Variants in TCFL5 observed in about 807,000 individuals in gnomAD.
The protein encoded by TCFL5 is transcription factor like 5.
Under a neutral mutation model 44.3 loss-of-function variants are expected in TCFL5, and 9 were observed. The observed-to-expected ratio is 0.20, with a 90% confidence interval of 0.12 to 0.35. The LOEUF (loss-of-function observed/expected upper bound fraction) is 0.35. TCFL5 is among the 10% of genes least tolerant of loss of function. TCFL5 has a pLI of 1.00. For missense variants in TCFL5, 603 were observed against 613.4 expected (o/e 0.98, Z 0.18); for synonymous variants, 319 against 271.6 (o/e 1.17, Z -1.72).
At chr20:62,845,348 C>A in intron 5 of TCFL5, 1 of 1,103,542 alleles carries the variant, frequency 9.1e-7, no homozygotes, top group Non-Finnish European at 1.1e-6. Flanking sequence ...GTCTCGAACT[C>A]CTGACCTCAG....
intron 4 of TCFL5, among the ~76,000 whole-genome samples, chr20:62,855,352 G>A (rs917525012): frequency 6.6e-6 from 1 of 152,092 alleles, no homozygotes; most frequent in Non-Finnish European, 1.5e-5. Context: ...CTTTAGAGAC[G>A]GGGACTTGCT....
At chr20:62,848,697 C>A (rs1251709926) in intron 5 of TCFL5, among the ~76,000 whole-genome samples, 1 of 152,084 alleles carries the variant, frequency 6.6e-6, no homozygotes, top group Non-Finnish European at 1.5e-5. Flanking sequence ...GGGATCACGC[C>A]ATTGCACTCC....
intron 2 of TCFL5, 123 bp downstream of exon 2, chr20:62,860,002 C>T (rs2063966290): frequency 1.0e-6 from 1 of 1,003,680 alleles, no homozygotes; most frequent in Non-Finnish European, 1.5e-6. Context: ...GGCCTTGGCG[C>T]CCGGCTTAAA....
intron 5 of TCFL5, among the ~76,000 whole-genome samples, chr20:62,843,476 A>G (rs1342668810): frequency 6.6e-6 from 1 of 151,336 alleles, no homozygotes; most frequent in Admixed American, 6.6e-5. Flanking sequence ...TGATGCCTGA[A>G]ACTGAGTTAG....
chr20:62,852,006 A>C, intron 5 of TCFL5: 2 of 912,064 alleles, frequency 2.2e-6, no homozygotes, highest in Non-Finnish European at 2.6e-6. Flanking sequence ...GGGTCTCATC[A>C]TGTTGGCCAA....
At position 62,857,190 on chromosome 20, in the gene TCFL5, C is replaced by T. The variant is rs561677059; in HGVS notation, c.1238+205G>A. Among the ~76,000 whole-genome samples the T allele has an allele frequency of 4.6e-5, 7 of 152,274 alleles. No homozygotes were observed. In the South Asian group the frequency reaches 6.2e-4, roughly 14 times the overall value. ...GTCACAGCCTGAGAGTGACTGCATG[C>T]GGAGTCCCGGGAGTCCTCCTAGTGA... On this transcript the variant is annotated intron_variant, in intron 4 of 5. Transcript: ENST00000335351.
At chr20:62,851,747 AC>A in intron 5 of TCFL5, 1 of 985,438 alleles carries the variant, frequency 1.0e-6, no homozygotes, top group Non-Finnish European at 1.2e-6. Context: ...CGCTGAAGAG[AC>A]GAGCCCTCAC....
intron 5 of TCFL5, among the ~76,000 whole-genome samples, chr20:62,850,156 TGAA>T (rs1332026199): frequency 1.3e-5 from 2 of 152,132 alleles, no homozygotes; most frequent in Non-Finnish European, 2.9e-5. Flanking sequence ...TATTTAGAGA[TGAA>T]GGTTCGTGTC....
Position 62,861,525 on chromosome 20 carries a change from A to G in TCFL5, c.146T>C (p.Met49Thr). Residue 49 changes from methionine to threonine, a missense_variant, in exon 1 of 6, where the codon ATG (methionine) becomes ACG (threonine). Physicochemically the swap from Met to Thr is moderately conservative, Grantham distance 81. Transcript: ENST00000335351. This position sits in a 1 kb window ranked among gnomAD's most constrained non-coding sequence, Gnocchi z 4.0. The stretch of plus-strand genomic sequence containing the variant: ...CAGCTGCGTGTACTCCACCTCCGTC[A>G]TCTCCACCAGGCTCAGGTCGGTGGT... ...FTTTDLSLVE[M>T]TEVEYTQLQH... 1 of 1,173,814 alleles carries G rather than the reference A, an allele frequency of 8.5e-7. No individual in the cohort carries two copies. Among genetic ancestry groups the G allele is most frequent in the East Asian group, 4.4e-5 (1 of 22,746 alleles). The allele number at this position is 1,173,814 out of a possible 1,614,324, so 72.7% of individuals were successfully genotyped here. A position where few individuals can be genotyped will look rare whatever the true frequency, so the allele number is the denominator to read the frequency against.
intron 5 of TCFL5, chr20:62,846,205 T>C (rs2147249244): frequency 1.1e-6 from 1 of 922,962 alleles, no homozygotes; most frequent in Middle Eastern, 4.5e-4. Flanking sequence ...ATAATCATCC[T>C]CAGACATAAC....
At position 62,841,981 on chromosome 20, in the gene TCFL5, G is replaced by A; in HGVS notation, c.1497C>T (p.Ile499=). 6.2e-7 allele frequency: 1 copy of A among 1,614,142 alleles called. No individual in the cohort carries two copies. The highest frequency in any genetic ancestry group is 2.2e-5 in the East Asian group (1 of 44,886). Reference sequence around the variant, plus strand: ...GGATTCCTGTTCAGTCCGATCACTTGATCTCCATCGAGGGGCTGCTCTGTA... The same window carrying A: ...GGATTCCTGTTCAGTCCGATCACTTAATCTCCATCGAGGGGCTGCTCTGTA... ...GSLQSSPSME[I]K Residue 499 remains isoleucine (I), a synonymous_variant, in exon 6 of 6, where the codon ATC becomes ATT. Transcript: ENST00000335351.
At chr20:62,857,971 T>C (rs1329146418) in intron 3 of TCFL5, among the ~76,000 whole-genome samples, 1 of 151,922 alleles carries the variant, frequency 6.6e-6, no homozygotes, top group African/African-American at 2.4e-5. Flanking sequence ...AGTTGTTTAC[T>C]TTTTCTAAAG....
intron 1 of TCFL5, among the ~76,000 whole-genome samples, chr20:62,860,801 G>A (rs563573916): frequency 6.6e-6 from 1 of 152,216 alleles, no homozygotes; most frequent in African/African-American, 2.4e-5. Context: ...GGGCCACTGA[G>A]GGAGGGGGTG....
In TCFL5 at chr20:62,861,107, C is replaced by G; in HGVS notation, c.564G>C (p.Glu188Asp). The G allele has an allele frequency of 1.0e-6, 1 of 998,468 alleles. No individual in the cohort carries two copies. The highest frequency in any genetic ancestry group is 1.2e-6 in the Non-Finnish European group (1 of 840,542). The allele number at this position is 998,468 out of a possible 1,614,324, so 61.9% of individuals were successfully genotyped here. ...RAKPAVRVRL[E>D]DRFNSIPAEP... ...CGGCGGGGATGCTGTTGAAGCGGTC[C>G]TCCAGGCGGACGCGCACGGCCGGCT... Residue 188 changes from glutamate (E) to aspartate (D), a missense_variant, in exon 1 of 6, where the codon GAG (glutamate) becomes GAC (aspartate). Glu to Asp is a conservative substitution (Grantham distance 45). Around this residue, in one of 4 missense-constraint regions of TCFL5, gnomAD observed 540 missense variants for 478.7 expected, o/e 1.13. Transcript: ENST00000335351. The surrounding 1 kb of genome is among the most constrained non-coding windows in gnomAD (Gnocchi z 4.0).
In TCFL5 at chr20:62,842,738, G is replaced by C. The variant is rs1277913490; in HGVS notation, c.1381-641C>G. 1.3e-5 allele frequency among the ~76,000 whole-genome samples: 2 copies of C among 152,188 alleles called. No homozygotes were observed. Among genetic ancestry groups the C allele is most frequent in the African/African-American group, 4.8e-5 (2 of 41,446 alleles). On this transcript the variant is annotated intron_variant, in intron 5 of 5. Transcript: ENST00000335351. The surrounding 1 kb of genome is among the most constrained non-coding windows in gnomAD (Gnocchi z 4.3). ...AGATCATGCCATTGCACTCCAGTCT[G>C]GGCAACAAGAGTGAAACTCCGTCTC...
At chr20:62,845,153 C>T in intron 5 of TCFL5, 5 of 983,748 alleles carry the variant, frequency 5.1e-6, no homozygotes, top group Non-Finnish European at 6.0e-6. Context: ...TGGAGTTTCA[C>T]TCTTGTCGCC....
chr20:62,857,387 C>A lies in TCFL5; in HGVS notation c.1238+8G>T. On this transcript the variant is annotated splice_region_variant and intron_variant, in intron 4 of 5. Transcript: ENST00000335351. ...TGAGTCAGCCTGACAAGCAGTCACA[C>A]GTATTACCTTCTATCTCTTTCCATT... The A allele has an allele frequency of 6.2e-7, 1 of 1,613,704 alleles. No individual in the cohort carries two copies. Among genetic ancestry groups the A allele is most frequent in the Non-Finnish European group, 8.5e-7 (1 of 1,179,738 alleles).
Position 62,861,053 on chromosome 20 carries a change from C to T in TCFL5, c.618G>A (p.Glu206=). The T allele has an allele frequency of 1.0e-6, 1 of 995,410 alleles. No individual in the cohort carries two copies. Among genetic ancestry groups the T allele is most frequent in the Non-Finnish European group, 1.2e-6 (1 of 838,078 alleles). The allele number at this position is 995,410 out of a possible 1,614,324, so 61.7% of individuals were successfully genotyped here. The change falls in exon 1 of 6, where the codon GAG becomes GAA. Residue 206 remains glutamate, a synonymous_variant. Coordinates refer to ENST00000335351, the MANE Select transcript of TCFL5 (RefSeq NM_006602.4). The surrounding 1 kb of genome is among the most constrained non-coding windows in gnomAD (Gnocchi z 4.0). ...AEPPPAPRGP[E]PPEPGGALNN... The stretch of plus-strand genomic sequence containing the variant: ...TGAGCGCCCCGCCCGGCTCGGGGGG[C>T]TCGGGGCCGCGCGGCGCGGGCGGCG...
At chr20:62,854,300 G>A (rs2063855426) in intron 4 of TCFL5, 143 bp from the exon 5 acceptor site, 1 of 1,071,426 alleles carries the variant, frequency 9.3e-7, no homozygotes, top group Admixed American at 2.8e-5. Flanking sequence ...GTCACCACAG[G>A]AAGCCCCACG....
Sources: gnomAD v4.1 joint callset for allele counts (sites outside exome capture counted in the v4.1 genomes callset) on GRCh38, gnomAD v4.1.1 for gene constraint, gnomAD v4.1.1 regional missense constraint, Gnocchi (gnomAD v3.1) non-coding constraint, MANE v1.5 for transcripts, NCBI Gene and HGNC (gene_info 2026-07-23, HGNC 2026-07-21) for gene names.